NUP98: variants seen among roughly 807,000 people sequenced by gnomAD.
NUP98 encodes nucleoporin 98 and 96 precursor.
In NUP98, 26 loss-of-function variants were observed where a neutral mutation model predicts 191.9. The observed-to-expected ratio is 0.14, with a 90% confidence interval of 0.10 to 0.19. The LOEUF is 0.19. Ranked by LOEUF, NUP98 falls within the 10% of genes least tolerant of loss-of-function variation. The pLI is 1.00. For synonymous variants in NUP98, 808 were observed against 778.4 expected, an observed-to-expected ratio of 1.04 and a Z score of -0.63; for missense variants, 1,941 against 2,178.8, an observed-to-expected ratio of 0.89 and a Z score of 2.17.
rs2081606512 is a variant in NUP98, at chr11:3,773,628, T to C, written c.603+4A>G. On this transcript the variant is annotated splice_donor_region_variant and intron_variant, in intron 6 of 32. Transcript: ENST00000324932. ...ACTGACATTCTGTATTGTATTTTAC[T>C]GACCTCTAGTGACTTGCTTTCATAT... 1 of 1,538,908 alleles carries C rather than the reference T, an allele frequency of 6.5e-7. No homozygotes were observed. The highest frequency in any genetic ancestry group is 8.9e-7 in the Non-Finnish European group (1 of 1,117,510).
At chr11:3,685,380 C>T (rs1457411705) in intron 29 of NUP98, among the ~76,000 whole-genome samples, 4 of 152,132 alleles carry the variant, frequency 2.6e-5, no homozygotes, top group Non-Finnish European at 5.9e-5. Flanking sequence ...AAAAAGCAAG[C>T]CAGTGGACAC....
chr11:3,732,433 T>C lies in NUP98; in HGVS notation c.1543-855A>G, dbSNP rs76276008. 1.6e-3 allele frequency among the ~76,000 whole-genome samples: 240 copies of C among 152,316 alleles called. 2 individuals are homozygous for C. In the East Asian group the frequency reaches 0.031, roughly 20 times the overall value. The stretch of plus-strand genomic sequence containing the variant: ...ATGATACCAAAAAAATCCTAAGCCA[T>C]AGACATTACTTTTCAATTAAACCCA... On this transcript the variant is annotated intron_variant, in intron 13 of 32. Transcript: ENST00000324932.
chr11:3,702,593 C>T lies in NUP98; in HGVS notation c.3382G>A (p.Val1128Ile). 6.2e-7 allele frequency: 1 copy of T among 1,614,070 alleles called. No individual in the cohort carries two copies. The highest frequency in any genetic ancestry group is 8.5e-7 in the Non-Finnish European group (1 of 1,180,020). Residue 1128 changes from valine to isoleucine, a missense_variant, in exon 23 of 33, where the codon GTT becomes ATT. Coordinates refer to ENST00000324932, the MANE Select transcript of NUP98 (RefSeq NM_016320.5). ...MALFMGRSFR[V>I]GWGPNWTLAN... Reference sequence around the variant, plus strand: ...AGAGTCCAGTTGGGGCCCCAACCAACACGAAATGAGCGTCCCATGAATAGG... The same window carrying T: ...AGAGTCCAGTTGGGGCCCCAACCAATACGAAATGAGCGTCCCATGAATAGG...
intron 7 of NUP98, among the ~76,000 whole-genome samples, chr11:3,768,983 T>C (rs2134583790): frequency 6.6e-6 from 1 of 152,302 alleles, no homozygotes; most frequent in South Asian, 2.1e-4. Context: ...TGATCTTCCC[T>C]TGTAAGTCCA....
At chr11:3,714,432 A>G (rs2079112429) in intron 18 of NUP98, among the ~76,000 whole-genome samples, 1 of 152,204 alleles carries the variant, frequency 6.6e-6, no homozygotes, top group African/African-American at 2.4e-5. Flanking sequence ...CGGTATGAAG[A>G]TGACTACAAG....
intron 13 of NUP98, among the ~76,000 whole-genome samples, chr11:3,732,259 A>G (rs189912992): frequency 5.6e-4 from 86 of 152,330 alleles, no homozygotes; most frequent in Middle Eastern, 3.4e-3. Flanking sequence ...AAAAAAATCC[A>G]AAGATGATGA....
intron 24 of NUP98, among the ~76,000 whole-genome samples, chr11:3,700,151 C>T (rs531404256): frequency 6.6e-6 from 1 of 151,228 alleles, no homozygotes; most frequent in African/African-American, 2.4e-5. Context: ...GTCAAGAGAT[C>T]GAGACAATCC....
chr11:3,702,284 C>G (rs1285251482), intron 23 of NUP98, among the ~76,000 whole-genome samples, 179 bp downstream of exon 23: 8 of 50,284 alleles, frequency 1.6e-4, no homozygotes, highest in African/African-American at 5.7e-4. Context: ...AACTGAGACA[C>G]ACACACACAC....
At chr11:3,720,215 C>G (rs751203463) in intron 17 of NUP98, among the ~76,000 whole-genome samples, 20 of 152,160 alleles carry the variant, frequency 1.3e-4, no homozygotes, top group Non-Finnish European at 2.8e-4. Flanking sequence ...CAATATAGCA[C>G]AGTGGCATTT....
intron 8 of NUP98, among the ~76,000 whole-genome samples, chr11:3,767,873 G>A (rs540743097): frequency 8.6e-5 from 13 of 151,512 alleles, no homozygotes; most frequent in South Asian, 8.4e-4. Flanking sequence ...CTAGGTGAAC[G>A]TTCCCTTAGT....
intron 7 of NUP98, among the ~76,000 whole-genome samples, chr11:3,769,849 C>G (rs2081466728): frequency 6.6e-6 from 1 of 151,538 alleles, no homozygotes; most frequent in South Asian, 2.1e-4. Context: ...TCAGATCAGC[C>G]TGGCCAAGAC....
At chr11:3,706,096 G>A (rs898238017) in intron 21 of NUP98, among the ~76,000 whole-genome samples, 6 of 151,802 alleles carry the variant, frequency 4.0e-5, no homozygotes, top group African/African-American at 1.5e-4. Flanking sequence ...TTGAACCCAG[G>A]AGGTGGAGGT....
intron 18 of NUP98, among the ~76,000 whole-genome samples, chr11:3,715,045 C>T (rs1014953688): frequency 6.6e-6 from 1 of 152,188 alleles, no homozygotes; most frequent in Non-Finnish European, 1.5e-5. Context: ...CTATTTTTAA[C>T]TCTTCCGGGA....
chr11:3,728,520 G>A (rs1054319847), intron 14 of NUP98, among the ~76,000 whole-genome samples: 6 of 152,176 alleles, frequency 3.9e-5, no homozygotes, highest in African/African-American at 1.4e-4. Context: ...CAGATCTTGA[G>A]GTCAGGAGAT....
At position 3,686,050 on chromosome 11, in the gene NUP98, G is replaced by A. The variant is rs1429147403; in HGVS notation, c.4599C>T (p.Ala1533=). The change falls in exon 29 of 33, where the codon GCC becomes GCT. Residue 1533 remains alanine (A), a synonymous_variant. Transcript: ENST00000324932. ...LSAQCEGVLQ[A]SYAGQLESEG... Reference sequence around the variant, plus strand: ...CACTTTCAAGCTGGCCAGCGTAACTGGCCTGTAGCACACCTTCACACTGCG... The same window carrying A: ...CACTTTCAAGCTGGCCAGCGTAACTAGCCTGTAGCACACCTTCACACTGCG... 1.2e-6 allele frequency: 2 copies of A among 1,614,202 alleles called. No homozygotes were observed. The highest frequency in any genetic ancestry group is 1.7e-6 in the Non-Finnish European group (2 of 1,180,036).
At chr11:3,791,914 T>C (rs1291762747) in intron 1 of NUP98, among the ~76,000 whole-genome samples, 1 of 150,408 alleles carries the variant, frequency 6.6e-6, no homozygotes, top group Non-Finnish European at 1.5e-5. Flanking sequence ...GCGCAGCGGC[T>C]CATGCCTGTA....
intron 25 of NUP98, among the ~76,000 whole-genome samples, chr11:3,698,465 C>T (rs1299199616): frequency 1.3e-5 from 2 of 151,822 alleles, no homozygotes; most frequent in East Asian, 1.9e-4. Context: ...CAGTGGCTCA[C>T]ACCTGTAATT....
At chr11:3,741,701 C>T (rs1486537199) in intron 12 of NUP98, among the ~76,000 whole-genome samples, 1 of 152,088 alleles carries the variant, frequency 6.6e-6, no homozygotes, top group African/African-American at 2.4e-5. Flanking sequence ...AAAGACACAA[C>T]TGTTAAGATA....
chr11:3,744,574 A>G lies in NUP98; in HGVS notation c.1343T>C (p.Phe448Ser), dbSNP rs2080418699. The change falls in exon 12 of 33, where the codon TTT becomes TCT. Residue 448 changes from phenylalanine (F) to serine (S), a missense_variant. Phe to Ser is a radical substitution (Grantham distance 155). Coordinates refer to ENST00000324932, the MANE Select transcript of NUP98 (RefSeq NM_016320.5). ...KIGGPLGTGA[F>S]GAPGFNTTTA... ...CGTAGTATTAAATCCAGGGGCCCCA[A>G]AGGCTCCTGTACCAAGAGGCCCTCC... is the stretch of plus-strand genomic sequence containing the variant. 6.2e-7 allele frequency: 1 copy of G among 1,613,870 alleles called. No homozygotes were observed. The highest frequency in any genetic ancestry group is 8.5e-7 in the Non-Finnish European group (1 of 1,179,810).
Sources: allele counts gnomAD v4.1 joint callset (sites outside exome capture counted in the v4.1 genomes callset), GRCh38; gene constraint gnomAD v4.1.1; transcripts MANE v1.5; gene names NCBI Gene and HGNC (gene_info 2026-07-23, HGNC 2026-07-21).